RTL1: variants seen among roughly 807,000 people sequenced by gnomAD.
RTL1 encodes retrotransposon Gag like 1.
For missense variants in RTL1, 1,681 were observed against 1,767.5 expected (o/e 0.95, Z 0.88); for synonymous variants, 727 against 748.4 (o/e 0.97, Z 0.47).
chr14:100,882,190 G>T lies in RTL1; in HGVS notation c.2599C>A (p.His867Asn), dbSNP rs1190986775. ...KRAFRKAPLLHHPKPQNPFYL... is the reference protein window; with the variant it reads ...KRAFRKAPLLNHPKPQNPFYL... The stretch of plus-strand genomic sequence containing the variant: ...AATGGGTTCTGGGGCTTGGGGTGGT[G>T]GAGGAGAGGCGCCTTGCGGAAAGCC... Residue 867 changes from histidine to asparagine, a missense_variant, in exon 4 of 4, where the codon CAC becomes AAC. His to Asn is a moderately conservative substitution (Grantham distance 68). Transcript: ENST00000649591. 1 of 1,550,532 alleles carries T rather than the reference G, an allele frequency of 6.4e-7. No homozygotes were observed. Among genetic ancestry groups the T allele is most frequent in the African/African-American group, 1.4e-5 (1 of 73,160 alleles).
Position 100,883,629 on chromosome 14 carries a change from G to A in RTL1, c.1160C>T (p.Pro387Leu). ...CCAGCTGCTGACCATCCACCTCTCT[G>A]GAGCAGGTGAGTCGATCCAGGTCAG... ...RNLTWIDSPA[P>L]ERWMVSSWLP... The change falls in exon 4 of 4, where the codon CCA becomes CTA. Residue 387 changes from proline to leucine, a missense_variant. Coordinates refer to ENST00000649591, the MANE Select transcript of RTL1 (RefSeq NM_001134888.3). This position sits in a 1 kb window ranked among gnomAD's most constrained non-coding sequence, Gnocchi z 5.9. The A allele has an allele frequency of 6.4e-7, 1 of 1,551,430 alleles. No homozygotes were observed. The highest frequency in any genetic ancestry group is 8.7e-7 in the Non-Finnish European group (1 of 1,146,954).
Position 100,880,791 on chromosome 14 carries a change from G to C in RTL1, c.3998C>G (p.Pro1333Arg). 1 of 1,550,588 alleles carries C rather than the reference G, an allele frequency of 6.4e-7. No individual in the cohort carries two copies. The highest frequency in any genetic ancestry group is 1.2e-5 in the South Asian group (1 of 84,042). The change falls in exon 4 of 4, where the codon CCC becomes CGC. Residue 1333 changes from proline (P) to arginine (R), a missense_variant. Transcript: ENST00000649591. ...CTCCCTGGGCTGGCTCTCCCAGGCG[G>C]GGATGGGCAGGGCCCGCCTGTAGAT... The part of the protein sequence containing the change: ...TLIYRRALPI[P>R]AWESQPREQA...
chr14:100,901,476 C>T lies in RTL1; in HGVS notation c.-149+1815G>A, dbSNP rs146009048. On this transcript the variant is annotated intron_variant, in intron 2 of 3. Transcript: ENST00000649591. ...GCCAGGAGAGGCAGCTCCCGACTCCCGTGTGGGCTGCATTCATCAGCAGGC... is the reference window on the plus strand; with the variant it reads ...GCCAGGAGAGGCAGCTCCCGACTCCTGTGTGGGCTGCATTCATCAGCAGGC... 4.5e-4 allele frequency among the ~76,000 whole-genome samples: 68 copies of T among 152,336 alleles called. 1 individual carries two copies. The highest frequency in any genetic ancestry group is 1.5e-3 in the African/African-American group (62 of 41,586).
Position 100,881,462 on chromosome 14 carries a change from C to G in RTL1, c.3327G>C (p.Pro1109=), listed in dbSNP as rs765927058. The G allele has an allele frequency of 1.9e-6, 3 of 1,550,486 alleles. No individual in the cohort carries two copies. Among genetic ancestry groups the G allele is most frequent in the African/African-American group, 1.4e-5 (1 of 73,032 alleles). ...LRVRQCLSLR[P]APAMRVARPQ... is the part of the protein sequence containing the mutation. ...GCCGAGCCACCCGCATGGCGGGTGC[C>G]GGCCGCAGCGAGAGGCATTGCCTCA... is the stretch of plus-strand genomic sequence containing the variant. The change falls in exon 4 of 4, where the codon CCG becomes CCC. Residue 1109 remains proline (P), a synonymous_variant. Coordinates refer to ENST00000649591, the MANE Select transcript of RTL1 (RefSeq NM_001134888.3). The surrounding 1 kb of genome is among the most constrained non-coding windows in gnomAD (Gnocchi z 6.6).
intron 2 of RTL1, among the ~76,000 whole-genome samples, chr14:100,896,482 A>G (rs1245091096): frequency 1.3e-5 from 2 of 152,136 alleles, no homozygotes; most frequent in East Asian, 3.9e-4. Context: ...TTCTACGTAG[A>G]TGGGAGTATG....
Position 100,881,207 on chromosome 14 carries a change from C to G in RTL1, c.3582G>C (p.Leu1194=), listed in dbSNP as rs762187747. 1 of 1,543,908 alleles carries G rather than the reference C, an allele frequency of 6.5e-7. No homozygotes were observed. ...RGLQFTPGFW[L]TLCEFFGVRV... is the part of the protein sequence containing the mutation. Reference sequence around the variant, plus strand: ...TGACACCGAAGAACTCACACAGCGTCAGCCAGAAGCCAGGGGTGAACTGCA... The same window carrying G: ...TGACACCGAAGAACTCACACAGCGTGAGCCAGAAGCCAGGGGTGAACTGCA... The change falls in exon 4 of 4, where the codon CTG becomes CTC. Residue 1194 remains leucine, a synonymous_variant. Transcript: ENST00000649591. This position sits in a 1 kb window ranked among gnomAD's most constrained non-coding sequence, Gnocchi z 6.6.
In RTL1 at chr14:100,883,357, G is replaced by A; in HGVS notation, c.1432C>T (p.Pro478Ser). Reference protein sequence around the residue: ...GNEPVWLYTEPLVCIHQNHQE... With the variant: ...GNEPVWLYTESLVCIHQNHQE... ...TGGTTCTGGTGGATACACACCAGGG[G>A]CTCCGTGTAGAGCCAGACAGGCTCG... The change falls in exon 4 of 4, where the codon CCC becomes TCC. Residue 478 changes from proline to serine, a missense_variant. Coordinates refer to ENST00000649591, the MANE Select transcript of RTL1 (RefSeq NM_001134888.3). The surrounding 1 kb of genome is among the most constrained non-coding windows in gnomAD (Gnocchi z 5.9). The A allele has an allele frequency of 1.3e-6, 2 of 1,551,404 alleles. No individual in the cohort carries two copies. Among genetic ancestry groups the A allele is most frequent in the Non-Finnish European group, 1.7e-6 (2 of 1,146,868 alleles).
chr14:100,901,230 C>T (rs1214276326), intron 2 of RTL1, among the ~76,000 whole-genome samples: 1 of 152,270 alleles, frequency 6.6e-6, no homozygotes, highest in African/African-American at 2.4e-5. Context: ...CCCCGAGGAC[C>T]TTGGGCATTT....
At position 100,884,191 on chromosome 14, in the gene RTL1, G is replaced by C; in HGVS notation, c.598C>G (p.Leu200Val). 1 of 1,551,742 alleles carries C rather than the reference G, an allele frequency of 6.4e-7. No homozygotes were observed. The highest frequency in any genetic ancestry group is 8.7e-7 in the Non-Finnish European group (1 of 1,146,984). Residue 200 changes from leucine to valine, a missense_variant, in exon 4 of 4, where the codon CTG (leucine) becomes GTG (valine). Physicochemically the swap from Leu to Val is conservative, Grantham distance 32. Coordinates refer to ENST00000649591, the MANE Select transcript of RTL1 (RefSeq NM_001134888.3). ...ILIKGINAGQ[L>V]PAPKHFSGDR... The stretch of plus-strand genomic sequence containing the variant: ...CCAGAGAAGTGCTTTGGGGCGGGCA[G>C]TTGGCCTGCATTGATCCCTTTGATC...
At chr14:100,894,129 G>A (rs1180344334) in intron 2 of RTL1, among the ~76,000 whole-genome samples, 1 of 152,020 alleles carries the variant, frequency 6.6e-6, no homozygotes, top group Non-Finnish European at 1.5e-5. Context: ...GGCTGACACC[G>A]TGAAACCTTG....
At chr14:100,894,444 C>T (rs949355052) in intron 2 of RTL1, among the ~76,000 whole-genome samples, 48 of 152,254 alleles carry the variant, frequency 3.2e-4, no homozygotes, top group Admixed American at 3.1e-3. Flanking sequence ...GACCCTGCCA[C>T]CTGCATGCGC....
In RTL1 at chr14:100,884,252, G is replaced by A. The variant is rs2038664619; in HGVS notation, c.537C>T (p.Asp179=). ...SIISLYFRMQ[D]LKEQQRVAEE... ...CTGCTACTCTCTGTTGCTCTTTGAG[G>A]TCTTGCATTCGGAAGTACAGCGAGA... Residue 179 remains aspartate, a synonymous_variant, in exon 4 of 4, where the codon GAC becomes GAT. Transcript: ENST00000649591. 1 of 1,551,648 alleles carries A rather than the reference G, an allele frequency of 6.4e-7. No homozygotes were observed. Among genetic ancestry groups the A allele is most frequent in the Non-Finnish European group, 8.7e-7 (1 of 1,147,016 alleles).
chr14:100,896,132 G>C (rs564180734), intron 2 of RTL1, among the ~76,000 whole-genome samples: 2 of 152,106 alleles, frequency 1.3e-5, no homozygotes, highest in South Asian at 4.2e-4. Flanking sequence ...GTTTTCACAG[G>C]AATCAAACTC....
intron 3 of RTL1, among the ~76,000 whole-genome samples, chr14:100,885,413 A>C (rs1355576865): frequency 1.3e-5 from 2 of 152,194 alleles, no homozygotes. Context: ...GGAAGAGGAG[A>C]AAATGGGCAC....
In RTL1 at chr14:100,882,400, T is replaced by C. The variant is rs1446674538; in HGVS notation, c.2389A>G (p.Ile797Val). The change falls in exon 4 of 4, where the codon ATA becomes GTA. Residue 797 changes from isoleucine (I) to valine (V), a missense_variant. By Grantham distance (29) the Ile-to-Val change is conservative (BLOSUM62 3). Coordinates refer to ENST00000649591, the MANE Select transcript of RTL1 (RefSeq NM_001134888.3). ...VKLNKNVMTI[I>V]TGYPTPGSKL... is the part of the protein sequence containing the mutation. The stretch of plus-strand genomic sequence containing the variant: ...GAGCCAGGGGTAGGGTACCCTGTTA[T>C]GATGGTCATGACGTTCTTGTTCAGT... The C allele has an allele frequency of 5.2e-6, 8 of 1,551,952 alleles. No homozygotes were observed. Among genetic ancestry groups the C allele is most frequent in the Admixed American group, 2.0e-5 (1 of 51,012 alleles).
At position 100,893,301 on chromosome 14, in the gene RTL1, TG is replaced by T. The variant is rs1278516432; in HGVS notation, c.-87+142del. Among the ~76,000 whole-genome samples, 1 of 152,112 alleles carries T rather than the reference TG, an allele frequency of 6.6e-6. No individual in the cohort carries two copies. The highest frequency in any genetic ancestry group is 1.5e-5 in the Non-Finnish European group (1 of 68,014). On this transcript the variant is annotated intron_variant, in intron 3 of 3. Transcript: ENST00000649591. This position sits in a 1 kb window ranked among gnomAD's most constrained non-coding sequence, Gnocchi z 4.2. The stretch of plus-strand genomic sequence containing the variant: ...TAGAGGCCTTGAGTACACACCACCA[TG>T]TCATGGTTTTTTCTTACAGACGAAT...
intron 3 of RTL1, among the ~76,000 whole-genome samples, chr14:100,889,418 G>T (rs562081006): frequency 6.6e-6 from 1 of 152,282 alleles, no homozygotes; most frequent in South Asian, 2.1e-4. Context: ...TAAAGCTGAA[G>T]TTCTTTTCGC....
At chr14:100,900,479 C>T (rs1249944554) in intron 2 of RTL1, among the ~76,000 whole-genome samples, 1 of 152,238 alleles carries the variant, frequency 6.6e-6, no homozygotes, top group Non-Finnish European at 1.5e-5. Flanking sequence ...GGCTATTTCT[C>T]TGCGGCCATA....
rs540792245 is a variant in RTL1 at position 100,881,338 on chromosome 14, C to A, written c.3451G>T (p.Ala1151Ser). ...AITQLLTQMPALVGANTIPAQ... is the reference protein window; with the variant it reads ...AITQLLTQMPSLVGANTIPAQ... ...GGGATGGTGTTTGCACCTACGAGAGCGGGCATCTGGGTGAGCAGCTGGGTG... is the reference window on the plus strand; with the variant it reads ...GGGATGGTGTTTGCACCTACGAGAGAGGGCATCTGGGTGAGCAGCTGGGTG... The change falls in exon 4 of 4, where the codon GCT becomes TCT. Residue 1151 changes from alanine to serine, a missense_variant. Ala to Ser is a moderately conservative substitution (Grantham distance 99). Coordinates refer to ENST00000649591, the MANE Select transcript of RTL1 (RefSeq NM_001134888.3). This position sits in a 1 kb window ranked among gnomAD's most constrained non-coding sequence, Gnocchi z 6.6. 1 of 1,550,556 alleles carries A rather than the reference C, an allele frequency of 6.4e-7. No homozygotes were observed. Among genetic ancestry groups the A allele is most frequent in the Non-Finnish European group, 8.7e-7 (1 of 1,146,974 alleles).
Sources: gnomAD v4.1 joint callset for allele counts (sites outside exome capture counted in the v4.1 genomes callset) on GRCh38, gnomAD v4.1.1 for gene constraint, Gnocchi (gnomAD v3.1) non-coding constraint, MANE v1.5 for transcripts, NCBI Gene and HGNC (gene_info 2026-07-23, HGNC 2026-07-21) for gene names.